CGGBP1: variants seen among roughly 807,000 people sequenced by gnomAD.
The protein encoded by CGGBP1 is CGG triplet repeat binding protein 1.
In CGGBP1, 4 loss-of-function variants were observed where a neutral mutation model predicts 11.4. The observed-to-expected ratio is 0.35, with a 90% confidence interval of 0.17 to 0.80. The LOEUF (loss-of-function observed/expected upper bound fraction) is 0.80, where lower values mean the gene tolerates loss of function less well. Ranked by LOEUF, CGGBP1 falls within the 30% of genes least tolerant of loss-of-function variation. CGGBP1 has a pLI of 0.52. For synonymous variants in CGGBP1, 76 were observed against 74.1 expected, an observed-to-expected ratio of 1.03 and a Z score of -0.13; for missense variants, 135 against 202.1, an observed-to-expected ratio of 0.67 and a Z score of 2.01.
intron 2 of CGGBP1, among the ~76,000 whole-genome samples, chr3:88,103,205 G>A (rs1180181131): frequency 7.2e-5 from 11 of 151,990 alleles, no homozygotes; most frequent in African/African-American, 2.4e-4. Context: ...AAGAGATAAA[G>A]CAATCAGTAG....
At chr3:88,092,265 G>A (rs1703786783) in intron 2 of CGGBP1, among the ~76,000 whole-genome samples, 1 of 152,002 alleles carries the variant, frequency 6.6e-6, no homozygotes, top group Non-Finnish European at 1.5e-5. Flanking sequence ...TAATTATTTG[G>A]TCATTTATTC....
intron 2 of CGGBP1, among the ~76,000 whole-genome samples, chr3:88,117,474 G>A (rs911067699): frequency 5.3e-5 from 8 of 152,074 alleles, no homozygotes; most frequent in African/African-American, 1.9e-4. Context: ...TAGAGCAACA[G>A]AAATAAATAG....
chr3:88,126,380 T>TG lies in CGGBP1; in HGVS notation c.-229+14589dup, dbSNP rs946315962. On this transcript the variant is annotated intron_variant, in intron 2 of 3. Coordinates refer to the CGGBP1 transcript ENST00000462901. Reference sequence around the variant, plus strand: ...TTCTTCATTTTATAATACTGAATAATGGGAGTGATGTATTTTCACATGAAA... The same window carrying TG: ...TTCTTCATTTTATAATACTGAATAATGGGGAGTGATGTATTTTCACATGAAA... 6.3e-6 allele frequency: 7 copies of TG among 1,119,154 alleles called. No individual in the cohort carries two copies. In the African/African-American group the frequency reaches 9.5e-5, roughly 15 times the overall value. The allele number at this position is 1,119,154 out of a possible 1,614,324, so 69.3% of individuals were successfully genotyped here. A position where few individuals can be genotyped will look rare whatever the true frequency, so the allele number is the denominator to read the frequency against.
At chr3:88,065,355 G>A (rs901925108) in intron 2 of CGGBP1, among the ~76,000 whole-genome samples, 4 of 151,940 alleles carry the variant, frequency 2.6e-5, no homozygotes, top group Admixed American at 2.6e-4. Context: ...TCATAATGAC[G>A]TTGTTTGTAA....
rs1292743216 is a variant in CGGBP1, at chr3:88,068,550, T to C, written c.-228-10327A>G. The stretch of plus-strand genomic sequence containing the variant: ...CCAGTATGTTTTGGTTACTCTAAAG[T>C]TGAAATATTATAAATACTCTTCCCA... On this transcript the variant is annotated intron_variant, in intron 2 of 3. Transcript: ENST00000462901. 2.6e-5 allele frequency among the ~76,000 whole-genome samples: 4 copies of C among 152,342 alleles called. No individual in the cohort carries two copies. The South Asian group carries it at 6.2e-4, about 24-fold the overall frequency.
At chr3:88,075,417 AAC>A (rs1240997156) in intron 2 of CGGBP1, among the ~76,000 whole-genome samples, 3 of 152,174 alleles carry the variant, frequency 2.0e-5, no homozygotes, top group Non-Finnish European at 4.4e-5. Flanking sequence ...CTATCATAAA[AAC>A]ACTCTTTTTG....
chr3:88,114,032 AACTTTT>A (rs1157916310), intron 2 of CGGBP1, among the ~76,000 whole-genome samples: 2 of 152,182 alleles, frequency 1.3e-5, no homozygotes, highest in African/African-American at 4.8e-5. Flanking sequence ...TCCATTCTTA[AACTTTT>A]ACTTGGCAAA....
At chr3:88,058,320 G>A (rs1268272782) in intron 1 of CGGBP1, 97 bp from the exon 2 acceptor site, 1 of 152,272 alleles carries the variant, frequency 6.6e-6, no homozygotes, top group Non-Finnish European at 1.5e-5. Context: ...CCACCACGCA[G>A]GTGTTTCTAA....
At chr3:88,135,219 T>C in intron 2 of CGGBP1, 1 of 1,430,440 alleles carries the variant, frequency 7.0e-7, no homozygotes, top group South Asian at 1.5e-5. Context: ...AGGATATATT[T>C]GTCCCTTAAA....
rs1576155891 is a variant in CGGBP1, at chr3:88,051,993, A to C, written c.*3480T>G. ...TATATTTGTCATTGACTCACAAAACAAAATGTGCTTTCAAAATCTTTTGAA... is the reference window on the plus strand; with the variant it reads ...TATATTTGTCATTGACTCACAAAACCAAATGTGCTTTCAAAATCTTTTGAA... On this transcript the variant is annotated 3_prime_UTR_variant, in exon 4 of 4. Transcript: ENST00000482016. The C allele has an allele frequency of 2.6e-5, 4 of 152,602 alleles. No individual in the cohort carries two copies. The highest frequency in any genetic ancestry group is 6.3e-3 in the Middle Eastern group (2 of 316). 9.5% of individuals were successfully genotyped at this position (152,602 alleles called of 1,614,324 possible).
At chr3:88,058,473 G>A (rs1451997571) in intron 1 of CGGBP1, among the ~76,000 whole-genome samples, 1 of 152,088 alleles carries the variant, frequency 6.6e-6, no homozygotes, top group Non-Finnish European at 1.5e-5. Flanking sequence ...GGGGAGAGGC[G>A]GGGCCCGGGA....
At chr3:88,120,879 A>G (rs1035273016) in intron 2 of CGGBP1, among the ~76,000 whole-genome samples, 2 of 152,126 alleles carry the variant, frequency 1.3e-5, no homozygotes, top group Non-Finnish European at 2.9e-5. Flanking sequence ...AGTAATTCAA[A>G]GTCTGATTTT....
At chr3:88,086,220 T>A (rs771664295) in intron 2 of CGGBP1, 79 of 1,493,380 alleles carry the variant, frequency 5.3e-5, no homozygotes, top group Non-Finnish European at 6.8e-5. Flanking sequence ...TGTTGAGAAC[T>A]TTTTCTATAG....
At chr3:88,083,844 GGCCTTGTA>G (rs1056711364) in intron 2 of CGGBP1, among the ~76,000 whole-genome samples, 2 of 151,914 alleles carry the variant, frequency 1.3e-5, no homozygotes, top group African/African-American at 4.8e-5. Context: ...ACTGCCTTGT[GGCCTTGTA>G]GAACACACAG....
intron 2 of CGGBP1, 50 bp from the exon 3 acceptor site, chr3:88,057,342 T>G (rs1181290414): frequency 1.2e-4 from 1 of 8,466 alleles, no homozygotes; most frequent in Non-Finnish European, 7.3e-4. Context: ...TTTTTTCCAC[T>G]TTTTTTTTTT....
intron 2 of CGGBP1, among the ~76,000 whole-genome samples, chr3:88,085,701 T>C (rs1418498283): frequency 6.6e-6 from 1 of 152,172 alleles, no homozygotes; most frequent in Non-Finnish European, 1.5e-5. Flanking sequence ...CCTGTTGACC[T>C]ACCCAGATTC....
intron 2 of CGGBP1, among the ~76,000 whole-genome samples, chr3:88,119,415 A>C (rs1458010641): frequency 1.3e-5 from 1 of 76,104 alleles, no homozygotes; most frequent in Admixed American, 1.5e-4. Context: ...GGGGGGAGGG[A>C]TAGCATTGGG....
intron 2 of CGGBP1, among the ~76,000 whole-genome samples, chr3:88,065,619 A>AT (rs532198365): frequency 2.8e-4 from 42 of 149,980 alleles, no homozygotes; most frequent in Admixed American, 8.0e-4. Context: ...TATTTTTTAC[A>AT]TTTTTTTTTT....
chr3:88,107,080 A>G (rs780350752), intron 2 of CGGBP1, among the ~76,000 whole-genome samples: 6 of 152,222 alleles, frequency 3.9e-5, no homozygotes, highest in Non-Finnish European at 7.3e-5. Context: ...CAATTTTGTA[A>G]TGAAATTGTC....
Sources: gnomAD v4.1 joint callset for allele counts (sites outside exome capture counted in the v4.1 genomes callset) on GRCh38, gnomAD v4.1.1 for gene constraint, MANE v1.5 for transcripts, NCBI Gene and HGNC (gene_info 2026-07-23, HGNC 2026-07-21) for gene names.